PRG4: variants seen among roughly 807,000 people sequenced by gnomAD.
PRG4 encodes the protein proteoglycan 4.
Under a neutral mutation model 91.2 loss-of-function variants are expected in PRG4, and 61 were observed. That is an observed-to-expected ratio of 0.67 (90% CI 0.54 to 0.83). The LOEUF (loss-of-function observed/expected upper bound fraction) is 0.83, where lower values mean the gene tolerates loss of function less well. PRG4 is among the 40% of genes least tolerant of loss of function. The pLI, the probability that PRG4 is intolerant of heterozygous loss-of-function variation, is 0.00. For missense variants in PRG4, 1,564 were observed against 1,714.2 expected, an observed-to-expected ratio of 0.91 and a Z score of 1.55; for synonymous variants, 576 against 614.2, an observed-to-expected ratio of 0.94 and a Z score of 0.92.
Position 186,306,746 on chromosome 1 carries a change from G to T in PRG4, c.1027G>T (p.Ala343Ser). The change falls in exon 7 of 13, where the codon GCT (alanine) becomes TCT (serine). Residue 343 changes from alanine to serine, a missense_variant. By Grantham distance (99) the Ala-to-Ser change is moderately conservative (BLOSUM62 1). Transcript: ENST00000445192. ...PKAETTTKGP[A>S]LTTPKEPTPT... is the part of the protein sequence containing the mutation. Reference sequence around the variant, plus strand: ...AGCTGAAACTACAACCAAAGGCCCTGCTCTCACCACTCCCAAGGAGCCCAC... The same window carrying T: ...AGCTGAAACTACAACCAAAGGCCCTTCTCTCACCACTCCCAAGGAGCCCAC... 3 of 1,613,598 alleles carry T rather than the reference G, an allele frequency of 1.9e-6. No individual in the cohort carries two copies. The highest frequency in any genetic ancestry group is 2.5e-6 in the Non-Finnish European group (3 of 1,179,746).
Position 186,300,212 on chromosome 1 carries a change from G to C in PRG4, c.198G>C (p.Ala66=). Reference sequence around the variant, plus strand: ...CTGATTTCAAGAGAGTCTGCACTGCGGGTAAGTCCTGAGAGCGGGTGTCTC... The same window carrying C: ...CTGATTTCAAGAGAGTCTGCACTGCCGGTAAGTCCTGAGAGCGGGTGTCTC... ...CCPDFKRVCT[A]ELSCKGRCFE... The change falls in exon 3 of 13, where the codon GCG becomes GCC. Residue 66 remains alanine (A), a splice_region_variant and synonymous_variant. Transcript: ENST00000445192. 1.9e-6 allele frequency: 3 copies of C among 1,613,970 alleles called. No individual in the cohort carries two copies. Among genetic ancestry groups the C allele is most frequent in the Non-Finnish European group, 2.5e-6 (3 of 1,180,014 alleles).
chr1:186,299,807 T>G (rs893170548), intron 2 of PRG4, among the ~76,000 whole-genome samples: 3 of 152,244 alleles, frequency 2.0e-5, no homozygotes, highest in Non-Finnish European at 4.4e-5. Context: ...TAGCTGTAGC[T>G]GCCACCTCTT....
At position 186,304,838 on chromosome 1, in the gene PRG4, TC is replaced by T; in HGVS notation, c.515del (p.Ser172PhefsTer29). 1 of 1,612,310 alleles carries T rather than the reference TC, an allele frequency of 6.2e-7. No homozygotes were observed. The highest frequency in any genetic ancestry group is 8.5e-7 in the Non-Finnish European group (1 of 1,178,552). On this transcript the variant is annotated frameshift_variant, in exon 6 of 13. Transcript: ENST00000445192. LOFTEE classifies it high-confidence loss of function. ...TCAAGAGTCCTCCTCCTCCTCCTCC[TC>T]TTCCTCTTCTTCTTCAACAATTCGG... is the stretch of plus-strand genomic sequence containing the variant. The part of the protein sequence containing the change: ...ENQESSSSSS[S>X]SSSSSTIRKI...
intron 8 of PRG4, among the ~76,000 whole-genome samples, chr1:186,310,088 TGAG>T (rs1184982951): frequency 7.1e-4 from 94 of 132,768 alleles, no homozygotes; most frequent in African/African-American, 2.6e-3. Flanking sequence ...CTGATACTAC[TGAG>T]GTTTTTTCCT....
chr1:186,308,735 A>G lies in PRG4; in HGVS notation c.3016A>G (p.Lys1006Glu). 1 of 1,613,992 alleles carries G rather than the reference A, an allele frequency of 6.2e-7. No homozygotes were observed. The highest frequency in any genetic ancestry group is 1.1e-5 in the South Asian group (1 of 91,076). ...TATGAACAAACCTGAAGAAACAGCT[A>G]AACCAAAAGACAGAGCTACTAATTC... is the stretch of plus-strand genomic sequence containing the variant. ...EIMNKPEETA[K>E]PKDRATNSKA... The change falls in exon 7 of 13, where the codon AAA (lysine) becomes GAA (glutamate). Residue 1006 changes from lysine (K) to glutamate (E), a missense_variant. By Grantham distance (56) the Lys-to-Glu change is moderately conservative. Coordinates refer to ENST00000445192, the MANE Select transcript of PRG4 (RefSeq NM_005807.6).
In PRG4 at chr1:186,304,078, T is replaced by C. The variant is rs779636714; in HGVS notation, c.320-30T>C. 1.3e-5 allele frequency: 21 copies of C among 1,611,592 alleles called. No homozygotes were observed. The South Asian group carries it at 2.2e-4, about 17-fold the overall frequency. On this transcript the variant is annotated intron_variant, in intron 4 of 12. Transcript: ENST00000445192. ...GAGCTGCTGATGAACATAAACAAGATGTTAACTGACTTGTCTTACTTGGCC... is the reference window on the plus strand; with the variant it reads ...GAGCTGCTGATGAACATAAACAAGACGTTAACTGACTTGTCTTACTTGGCC...
At chr1:186,304,083 A>C (rs1364414640) in intron 4 of PRG4, 25 bp from the exon 5 acceptor site, 1 of 1,612,906 alleles carries the variant, frequency 6.2e-7, no homozygotes, top group Non-Finnish European at 8.5e-7. Flanking sequence ...CAAGATGTTA[A>C]CTGACTTGTC....
rs201278528 is a variant in PRG4 at position 186,307,025 on chromosome 1, G to A, written c.1306G>A (p.Ala436Thr). The A allele has an allele frequency of 2.0e-4, 312 of 1,574,552 alleles. 1 individual carries two copies. The Middle Eastern group carries it at 2.5e-3, about 13-fold the overall frequency. ...TGCACCCACCACTCCCAAGGAGCCT[G>A]CACCCACCACCCCCAAGAAGCCTGC... ...KSAPTTPKEP[A>T]PTTPKKPAPT... is the part of the protein sequence containing the mutation. Residue 436 changes from alanine (A) to threonine (T), a missense_variant, in exon 7 of 13, where the codon GCA becomes ACA. Coordinates refer to ENST00000445192, the MANE Select transcript of PRG4 (RefSeq NM_005807.6).
Position 186,304,862 on chromosome 1 carries a change from C to A in PRG4, c.538C>A (p.Arg180=). The change falls in exon 6 of 13, where the codon CGG becomes AGG. Residue 180 remains arginine, a synonymous_variant. Transcript: ENST00000445192. The part of the protein sequence containing the change: ...SSSSSSSSTI[R]KIKSSKNSAA... ...CTCTTCCTCTTCTTCTTCAACAATT[C>A]GGAAAATCAAGTCTTCCAAAAATTC... 6.2e-7 allele frequency: 1 copy of A among 1,612,404 alleles called. No homozygotes were observed. The highest frequency in any genetic ancestry group is 8.5e-7 in the Non-Finnish European group (1 of 1,178,928).
In PRG4 at chr1:186,307,710, C is replaced by G. The variant is rs765631929; in HGVS notation, c.1991C>G (p.Pro664Arg). The change falls in exon 7 of 13, where the codon CCT (proline) becomes CGT (arginine). Residue 664 changes from proline (P) to arginine (R), a missense_variant. Physicochemically the swap from Pro to Arg is moderately radical, Grantham distance 103 (BLOSUM62 -2). Coordinates refer to ENST00000445192, the MANE Select transcript of PRG4 (RefSeq NM_005807.6). ...EEPTPTTPEE[P>R]APTTPKAAAP... is the part of the protein sequence containing the mutation. Reference sequence around the variant, plus strand: ...CCCACACCCACCACCCCTGAGGAGCCTGCTCCCACCACTCCCAAGGCAGCG... The same window carrying G: ...CCCACACCCACCACCCCTGAGGAGCGTGCTCCCACCACTCCCAAGGCAGCG... 3 of 1,611,476 alleles carry G rather than the reference C, an allele frequency of 1.9e-6. No individual in the cohort carries two copies. The African/African-American group carries it at 4.0e-5, about 22-fold the overall frequency.
chr1:186,308,988 T>A lies in PRG4; in HGVS notation c.3269T>A (p.Val1090Glu), dbSNP rs1291236858. 6.2e-7 allele frequency: 1 copy of A among 1,608,906 alleles called. No homozygotes were observed. The highest frequency in any genetic ancestry group is 8.5e-7 in the Non-Finnish European group (1 of 1,177,326). ...NQTPNSKLVE[V>E]NPKSEDAGGA... ...ACTCCAAACTCCAAACTAGTTGAAG[T>A]AAATCCAAAGAGTGAAGATGCAGGT... The change falls in exon 7 of 13, where the codon GTA becomes GAA. Residue 1090 changes from valine (V) to glutamate (E), a missense_variant. Val to Glu is a moderately radical substitution (Grantham distance 121, BLOSUM62 -2). Around this residue, in one of 3 missense-constraint regions of PRG4, gnomAD observed 1,079 missense variants for 1,162.2 expected, o/e 0.93. Coordinates refer to ENST00000445192, the MANE Select transcript of PRG4 (RefSeq NM_005807.6).
Position 186,306,887 on chromosome 1 carries a change from C to T in PRG4, c.1168C>T (p.Pro390Ser). The T allele has an allele frequency of 6.3e-7, 1 of 1,598,452 alleles. No homozygotes were observed. Among genetic ancestry groups the T allele is most frequent in the Non-Finnish European group, 8.5e-7 (1 of 1,174,474 alleles). Residue 390 changes from proline to serine, a missense_variant, in exon 7 of 13, where the codon CCC (proline) becomes TCC (serine). Transcript: ENST00000445192. ...EPAPTTTKSA[P>S]TTPKEPAPTT... Reference sequence around the variant, plus strand: ...TGCACCCACCACCACCAAGTCTGCACCCACCACTCCCAAGGAGCCTGCACC... The same window carrying T: ...TGCACCCACCACCACCAAGTCTGCATCCACCACTCCCAAGGAGCCTGCACC...
At position 186,313,824 on chromosome 1, in the gene PRG4, A is replaced by C; in HGVS notation, c.*46A>C. ...TCAACTAATGAAGAAATGAATAATAAATTTTGACACTGAAAAACATTTTAT... is the reference window on the plus strand; with the variant it reads ...TCAACTAATGAAGAAATGAATAATACATTTTGACACTGAAAAACATTTTAT... On this transcript the variant is annotated 3_prime_UTR_variant, in exon 13 of 13. Transcript: ENST00000445192. 6.6e-7 allele frequency: 1 copy of C among 1,512,842 alleles called. No individual in the cohort carries two copies. The highest frequency in any genetic ancestry group is 9.2e-7 in the Non-Finnish European group (1 of 1,088,096). The allele number at this position is 1,512,842 out of a possible 1,614,324, so 93.7% of individuals were successfully genotyped here.
chr1:186,309,061 C>G lies in PRG4; in HGVS notation c.3342C>G (p.Phe1114Leu). 6.2e-7 allele frequency: 1 copy of G among 1,613,902 alleles called. No homozygotes were observed. Among genetic ancestry groups the G allele is most frequent in the Non-Finnish European group, 8.5e-7 (1 of 1,179,850 alleles). The change falls in exon 7 of 13, where the codon TTC becomes TTG. Residue 1114 changes from phenylalanine to leucine, a missense_variant. By Grantham distance (22) the Phe-to-Leu change is conservative. Transcript: ENST00000445192. ...TPHMLLRPHV[F>L]MPEVTPDMDY... ...ATATGCTTCTCAGGCCCCATGTGTT[C>G]ATGCCTGAAGTTACTCCCGACATGG...
rs1161269678 is a variant in PRG4 at position 186,300,187 on chromosome 1, C to T, written c.173C>T (p.Pro58Leu). The T allele has an allele frequency of 1.2e-6, 2 of 1,614,154 alleles. No homozygotes were observed. Among genetic ancestry groups the T allele is most frequent in the Admixed American group, 3.3e-5 (2 of 60,030 alleles). ...YNCQHYMECC[P>L]DFKRVCTAEL... ...TGTCAACACTACATGGAGTGCTGCC[C>T]TGATTTCAAGAGAGTCTGCACTGCG... is the stretch of plus-strand genomic sequence containing the variant. The change falls in exon 3 of 13, where the codon CCT becomes CTT. Residue 58 changes from proline (P) to leucine (L), a missense_variant. Pro to Leu is a moderately conservative substitution (Grantham distance 98). Coordinates refer to ENST00000445192, the MANE Select transcript of PRG4 (RefSeq NM_005807.6).
intron 1 of PRG4, 106 bp downstream of exon 1, chr1:186,296,399 A>T (rs1655864359): frequency 6.4e-6 from 1 of 156,100 alleles, no homozygotes; most frequent in African/African-American, 2.4e-5. Context: ...GAAAAGGATT[A>T]TGTTTATGCA....
In PRG4 at chr1:186,306,459, G is replaced by A. The variant is rs769539463; in HGVS notation, c.740G>A (p.Ser247Asn). 6.2e-7 allele frequency: 1 copy of A among 1,613,666 alleles called. No individual in the cohort carries two copies. Among genetic ancestry groups the A allele is most frequent in the Non-Finnish European group, 8.5e-7 (1 of 1,179,786 alleles). ...TCTACCACCCAACACAATAAAGTCA[G>A]CACATCTCCCAAGATCACAACAGCA... Reference protein sequence around the residue: ...DTSTTQHNKVSTSPKITTAKP... With the variant: ...DTSTTQHNKVNTSPKITTAKP... Residue 247 changes from serine (S) to asparagine (N), a missense_variant, in exon 7 of 13, where the codon AGC (serine) becomes AAC (asparagine). Physicochemically the swap from Ser to Asn is conservative, Grantham distance 46. Coordinates refer to ENST00000445192, the MANE Select transcript of PRG4 (RefSeq NM_005807.6).
intron 2 of PRG4, among the ~76,000 whole-genome samples, chr1:186,298,884 T>C (rs1192794064): frequency 6.6e-6 from 1 of 152,028 alleles, no homozygotes; most frequent in Non-Finnish European, 1.5e-5. Context: ...ATATAATATA[T>C]GTATTTATAT....
intron 6 of PRG4, among the ~76,000 whole-genome samples, chr1:186,305,366 T>G (rs1172046870): frequency 6.6e-6 from 1 of 152,232 alleles, no homozygotes; most frequent in Non-Finnish European, 1.5e-5. Context: ...GGAAAAAATA[T>G]TATCCATATT....
Sources: gnomAD v4.1 joint callset for allele counts (sites outside exome capture counted in the v4.1 genomes callset) on GRCh38, gnomAD v4.1.1 for gene constraint, gnomAD v4.1.1 regional missense constraint, MANE v1.5 for transcripts, NCBI Gene and HGNC (gene_info 2026-07-23, HGNC 2026-07-21) for gene names.